STK38L: variants seen among roughly 807,000 people sequenced by gnomAD.
The protein encoded by STK38L is serine/threonine-protein kinase 38-like.
A neutral mutation model predicts 59.7 loss-of-function variants in STK38L; 28 were observed. The ratio of observed to expected loss-of-function variants is 0.47; its 90% CI spans 0.35 to 0.64. The LOEUF (loss-of-function observed/expected upper bound fraction) is 0.64, where lower values mean the gene tolerates loss of function less well. Among genes scored for constraint, STK38L ranks in the 30% least tolerant of loss-of-function variants. STK38L has a pLI of 0.01. For synonymous variants in STK38L, 162 were observed against 176.8 expected (o/e 0.92, Z 0.66); for missense variants, 314 against 555.8 (o/e 0.56, Z 4.37).
intron 1 of STK38L, among the ~76,000 whole-genome samples, chr12:27,277,301 G>A (rs1943557267): frequency 6.6e-6 from 1 of 151,860 alleles, no homozygotes; most frequent in Admixed American, 6.6e-5. Flanking sequence ...CATCTCTTGA[G>A]CCTAGGGCTT....
intron 2 of STK38L, 61 bp downstream of exon 2, chr12:27,297,915 A>G: frequency 1.9e-6 from 3 of 1,583,058 alleles, no homozygotes; most frequent in Non-Finnish European, 2.6e-6. Flanking sequence ...TGTGAGTGGA[A>G]TAGAAACTTG....
At chr12:27,315,729 T>G (rs1944569802) in intron 9 of STK38L, among the ~76,000 whole-genome samples, 1 of 152,292 alleles carries the variant, frequency 6.6e-6, no homozygotes, top group South Asian at 2.1e-4. Context: ...GCAAGTAAGG[T>G]GGTTGTGAGT....
intron 1 of STK38L, among the ~76,000 whole-genome samples, chr12:27,250,243 T>G (rs1942942690): frequency 6.6e-6 from 1 of 152,262 alleles, no homozygotes; most frequent in African/African-American, 2.4e-5. Context: ...GCTATTCTGC[T>G]TTTATGAATA....
intron 11 of STK38L, among the ~76,000 whole-genome samples, chr12:27,319,023 T>C (rs1362269695): frequency 2.0e-5 from 3 of 152,002 alleles, no homozygotes; most frequent in Non-Finnish European, 2.9e-5. Flanking sequence ...TATTGAAAAA[T>C]ATTTAATGAC....
chr12:27,269,498 G>C (rs945632637), intron 1 of STK38L, among the ~76,000 whole-genome samples: 8 of 152,160 alleles, frequency 5.3e-5, no homozygotes, highest in African/African-American at 1.7e-4. Flanking sequence ...TTTGGTACCA[G>C]TACCATGCTG....
intron 1 of STK38L, among the ~76,000 whole-genome samples, chr12:27,252,278 C>T (rs984817380): frequency 6.6e-6 from 1 of 152,140 alleles, no homozygotes; most frequent in Non-Finnish European, 1.5e-5. Flanking sequence ...CATGCCCGGC[C>T]TACAAAAGCA....
In STK38L at chr12:27,258,681, A is replaced by T. The variant is rs1267732617; in HGVS notation, c.-12+14349A>T. On this transcript the variant is annotated intron_variant, in intron 1 of 13. Transcript: ENST00000389032. The stretch of plus-strand genomic sequence containing the variant: ...TTTCACAATTTGTATTTAGCATTTG[A>T]TTTTTTTAACCCAAATATAATTCTT... Among the ~76,000 whole-genome samples the T allele has an allele frequency of 3.9e-5, 6 of 152,226 alleles. No individual in the cohort carries two copies. The East Asian group carries it at 1.2e-3, about 29-fold the overall frequency.
chr12:27,255,376 T>A (rs1483915771), intron 1 of STK38L, among the ~76,000 whole-genome samples: 13 of 152,230 alleles, frequency 8.5e-5, no homozygotes, highest in Admixed American at 7.9e-4. Context: ...CAACAAAAAA[T>A]TTATTTTTTA....
intron 2 of STK38L, among the ~76,000 whole-genome samples, chr12:27,300,888 A>T (rs1944152874): frequency 6.6e-6 from 1 of 152,218 alleles, no homozygotes; most frequent in Admixed American, 6.5e-5. Flanking sequence ...TTACCTTTGG[A>T]CATGTAGCCA....
At chr12:27,303,614 A>AGAGT (rs745446909) in intron 3 of STK38L, among the ~76,000 whole-genome samples, 50 of 152,108 alleles carry the variant, frequency 3.3e-4, no homozygotes, top group Non-Finnish European at 5.9e-4. Flanking sequence ...TAGGAGAGGG[A>AGAGT]GAGTGAGTGA....
At chr12:27,297,646 G>A in intron 1 of STK38L, 64 bp from the exon 2 acceptor site, 8 of 1,514,784 alleles carry the variant, frequency 5.3e-6, no homozygotes, top group Non-Finnish European at 7.1e-6. Context: ...CATTTTCAGA[G>A]TTTATTATAA....
At chr12:27,250,184 G>C (rs1259597322) in intron 1 of STK38L, among the ~76,000 whole-genome samples, 1 of 152,112 alleles carries the variant, frequency 6.6e-6, no homozygotes, top group Non-Finnish European at 1.5e-5. Flanking sequence ...CTACTTTTCA[G>C]GGGGCCAAGT....
At chr12:27,251,041 T>A (rs1441483864) in intron 1 of STK38L, among the ~76,000 whole-genome samples, 1 of 151,452 alleles carries the variant, frequency 6.6e-6, no homozygotes, top group Admixed American at 6.6e-5. Context: ...AGATCAGGTT[T>A]GCTCTCTCTT....
Position 27,319,313 on chromosome 12 carries a change from G to GT in STK38L, c.1080-12dup. 2.6e-6 allele frequency: 4 copies of GT among 1,554,732 alleles called. No homozygotes were observed. The highest frequency in any genetic ancestry group is 3.5e-6 in the Non-Finnish European group (4 of 1,127,758). The stretch of plus-strand genomic sequence containing the variant: ...GTAACTTGTGTATGATAATTTCTCT[G>GT]TTTCCATGTTGTAGATTTTGTATTG... On this transcript the variant is annotated splice_polypyrimidine_tract_variant and intron_variant, in intron 11 of 13. Transcript: ENST00000389032.
At chr12:27,258,284 A>G (rs972177458) in intron 1 of STK38L, among the ~76,000 whole-genome samples, 2 of 152,188 alleles carry the variant, frequency 1.3e-5, no homozygotes, top group African/African-American at 2.4e-5. Flanking sequence ...AGCTTAAGCA[A>G]TTCTCCTGCT....
At chr12:27,253,650 G>C (rs1344713133) in intron 1 of STK38L, among the ~76,000 whole-genome samples, 1 of 152,178 alleles carries the variant, frequency 6.6e-6, no homozygotes, top group Non-Finnish European at 1.5e-5. Context: ...ACCTAAGGGA[G>C]AGGGGCACCT....
At chr12:27,299,132 G>A (rs1287407188) in intron 2 of STK38L, among the ~76,000 whole-genome samples, 1 of 152,172 alleles carries the variant, frequency 6.6e-6, no homozygotes, top group Non-Finnish European at 1.5e-5. Context: ...TGAAATGTGA[G>A]GGAAATAAGT....
chr12:27,284,885 C>G (rs1943737333), intron 1 of STK38L, among the ~76,000 whole-genome samples: 1 of 152,174 alleles, frequency 6.6e-6, no homozygotes, highest in East Asian at 1.9e-4. Flanking sequence ...TGGATGCCTT[C>G]TGTTTTCTCA....
At chr12:27,313,756 A>G (rs928747971) in intron 6 of STK38L, among the ~76,000 whole-genome samples, 1 of 152,114 alleles carries the variant, frequency 6.6e-6, no homozygotes, top group African/African-American at 2.4e-5. Flanking sequence ...TTGTAAGTGC[A>G]CCAGTGTTTA....
Sources: allele counts gnomAD v4.1 joint callset (sites outside exome capture counted in the v4.1 genomes callset), GRCh38; gene constraint gnomAD v4.1.1; transcripts MANE v1.5; gene names NCBI Gene and HGNC (gene_info 2026-07-23, HGNC 2026-07-21).